NBAS: variants seen among roughly 807,000 people sequenced by gnomAD.
NBAS encodes the protein NAG/BC035112 fusion.
NBAS carries 219 observed loss-of-function variants against 302.5 expected under a neutral mutation model. The observed-to-expected ratio is 0.72, with a 90% CI of 0.65 to 0.81. The LOEUF (loss-of-function observed/expected upper bound fraction) is 0.81, where lower values mean the gene tolerates loss of function less well. Among genes scored for constraint, NBAS ranks in the 30% least tolerant of loss-of-function variants. The pLI, the probability that NBAS is intolerant of heterozygous loss-of-function variation, is 0.00. For synonymous variants in NBAS, 1,118 were observed against 1,021.6 expected (o/e 1.09, Z -1.80); for missense variants, 2,932 against 2,841.6 (o/e 1.03, Z -0.72).
chr2:14,787,015 G>T, the NBAS span, among the ~76,000 whole-genome samples: 2 of 152,152 alleles, frequency 1.3e-5, no homozygotes, highest in African/African-American at 4.8e-5. Flanking sequence ...CCCGTATTGG[G>T]TGCATATATA....
At chr2:15,219,870 A>G (rs1356636492) in intron 47 of NBAS, among the ~76,000 whole-genome samples, 1 of 145,244 alleles carries the variant, frequency 6.9e-6, no homozygotes, top group African/African-American at 2.6e-5. Flanking sequence ...GTGGCCGGGC[A>G]GAGGGGCTCC....
At chr2:15,135,724 C>G in the NBAS span, among the ~76,000 whole-genome samples, 18 of 152,082 alleles carry the variant, frequency 1.2e-4, no homozygotes, top group Admixed American at 3.3e-4. Context: ...GTAACTCCCC[C>G]CTCCCACCAC....
chr2:15,428,960 C>T (rs985583293), intron 21 of NBAS, among the ~76,000 whole-genome samples: 1 of 151,854 alleles, frequency 6.6e-6, no homozygotes, highest in East Asian at 1.9e-4. Flanking sequence ...ATGGTGTGAA[C>T]CCAGGAGGCA....
chr2:15,304,905 G>A (rs1670960855), intron 40 of NBAS, among the ~76,000 whole-genome samples: 1 of 152,172 alleles, frequency 6.6e-6, no homozygotes, highest in Non-Finnish European at 1.5e-5. Context: ...TAAAAGGGAA[G>A]CAGAGCACAG....
rs367868811 is a variant in NBAS at position 15,218,768 on chromosome 2, C to A, written c.6432+5G>T. 1 of 1,614,222 alleles carries A rather than the reference C, an allele frequency of 6.2e-7. No individual in the cohort carries two copies. Among genetic ancestry groups the A allele is most frequent in the African/African-American group, 1.3e-5 (1 of 75,072 alleles). On this transcript the variant is annotated splice_donor_5th_base_variant and intron_variant, in intron 48 of 51. Coordinates refer to ENST00000281513, the MANE Select transcript of NBAS (RefSeq NM_015909.4). ...AGAAAAATAATCATTCAGACACTCC[C>A]TTACCTGTCTCTGGGGCCAGGAGGC...
In NBAS at chr2:15,179,042, G is replaced by A; in HGVS notation, c.6786C>T (p.Ser2262=). The change falls in exon 51 of 52, where the codon AGC becomes AGT. Residue 2262 remains serine, a synonymous_variant. Transcript: ENST00000281513. The part of the protein sequence containing the change: ...LLPSLKLLLE[S]RDEHLHEMAL... ...CCATCTCGTGCAGATGCTCATCTCG[G>A]CTCTCGAGGAGAAGTTTCAGAGATG... 6.2e-7 allele frequency: 1 copy of A among 1,614,148 alleles called. No individual in the cohort carries two copies. The highest frequency in any genetic ancestry group is 8.5e-7 in the Non-Finnish European group (1 of 1,180,032).
the NBAS span, among the ~76,000 whole-genome samples, chr2:14,984,982 C>A: frequency 6.6e-6 from 1 of 152,056 alleles, no homozygotes; most frequent in African/African-American, 2.4e-5. Context: ...AAGGTGTCAT[C>A]TTTTGGAACT....
chr2:14,979,842 G>C, the NBAS span, among the ~76,000 whole-genome samples: 1 of 152,186 alleles, frequency 6.6e-6, no homozygotes, highest in Non-Finnish European at 1.5e-5. Flanking sequence ...TTAGGAAAAA[G>C]TGTAGGCCTG....
the NBAS span, among the ~76,000 whole-genome samples, chr2:15,067,386 AGGGGAGGGGAGGGGAGGGGAGGGGAGGG>A: frequency 3.7e-5 from 2 of 54,706 alleles, no homozygotes; most frequent in African/African-American, 1.1e-4. Flanking sequence ...AGAGGAGAGG[AGGGGAGGGGAGGGGAGGGGAGGGGAGGG>A]GAGAGGAGGG....
chr2:15,285,861 G>A (rs1225733213), intron 42 of NBAS, among the ~76,000 whole-genome samples: 1 of 152,114 alleles, frequency 6.6e-6, no homozygotes, highest in Non-Finnish European at 1.5e-5. Context: ...CTCCATGTTG[G>A]CCAGGCTGGT....
chr2:15,156,453 GT>G, the NBAS span, among the ~76,000 whole-genome samples: 5 of 152,298 alleles, frequency 3.3e-5, no homozygotes, highest in African/African-American at 1.2e-4. Flanking sequence ...ATTGCTAACA[GT>G]TTTAGAAGCT....
chr2:14,864,335 A>AAG, the NBAS span, among the ~76,000 whole-genome samples: 6 of 151,524 alleles, frequency 4.0e-5, no homozygotes, highest in African/African-American at 1.5e-4. Flanking sequence ...AAAAAAAAAA[A>AAG]AAAGAAAGAA....
chr2:15,388,363 T>C (rs947839524), intron 28 of NBAS, among the ~76,000 whole-genome samples: 1 of 151,972 alleles, frequency 6.6e-6, no homozygotes, highest in African/African-American at 2.4e-5. Flanking sequence ...TGTTTTCCAC[T>C]TCACTAGTCA....
At chr2:14,916,327 C>G in the NBAS span, among the ~76,000 whole-genome samples, 1 of 152,094 alleles carries the variant, frequency 6.6e-6, no homozygotes, top group Non-Finnish European at 1.5e-5. Context: ...AAGAAAGCAA[C>G]GTAAAGGACA....
chr2:15,446,541 A>G (rs989773126), intron 21 of NBAS, among the ~76,000 whole-genome samples: 1 of 152,238 alleles, frequency 6.6e-6, no homozygotes, highest in African/African-American at 2.4e-5. Flanking sequence ...CATGCTAAAG[A>G]AAGTGTTTCA....
At chr2:14,850,084 A>T in the NBAS span, among the ~76,000 whole-genome samples, 1 of 136,746 alleles carries the variant, frequency 7.3e-6, no homozygotes, top group South Asian at 2.1e-4. Context: ...AACAATATTA[A>T]CTTTAAATGT....
At chr2:15,501,198 G>A (rs984573925) in intron 11 of NBAS, among the ~76,000 whole-genome samples, 30 of 152,006 alleles carry the variant, frequency 2.0e-4, no homozygotes, top group East Asian at 1.4e-3. Context: ...CTACTCAGGA[G>A]GCTGAGACAG....
the NBAS span, among the ~76,000 whole-genome samples, chr2:14,842,454 C>G: frequency 3.3e-5 from 5 of 151,590 alleles, no homozygotes; most frequent in African/African-American, 1.2e-4. Context: ...AGTGAAGATC[C>G]TAATAATTAA....
the NBAS span, among the ~76,000 whole-genome samples, chr2:15,118,189 C>A: frequency 6.6e-6 from 1 of 152,224 alleles, no homozygotes; most frequent in Non-Finnish European, 1.5e-5. Context: ...GAATCAGAGA[C>A]TATTGATCAT....
Sources: gnomAD v4.1 joint callset for allele counts (sites outside exome capture counted in the v4.1 genomes callset) on GRCh38, gnomAD v4.1.1 for gene constraint, MANE v1.5 for transcripts, NCBI Gene and HGNC (gene_info 2026-07-23, HGNC 2026-07-21) for gene names.